Variants in ANO6 observed in about 807,000 individuals in gnomAD.
ANO6 encodes anoctamin-6.
In ANO6, 106 loss-of-function variants were observed where a neutral mutation model predicts 117.5. The observed-to-expected ratio is 0.90, with a 90% confidence interval of 0.77 to 1.06. ANO6 has a LOEUF of 1.06. Among genes scored for constraint, ANO6 ranks in the 50% least tolerant of loss-of-function variants. The pLI, the probability that ANO6 is intolerant of heterozygous loss-of-function variation, is 0.00. For missense variants in ANO6, 955 were observed against 1,121.1 expected (o/e 0.85, Z 2.12); for synonymous variants, 367 against 385.1 (o/e 0.95, Z 0.55).
Position 45,429,619 on chromosome 12 carries a change from T to A in ANO6, c.*308T>A. On this transcript the variant is annotated 3_prime_UTR_variant, in exon 20 of 20. Coordinates refer to ENST00000320560, the MANE Select transcript of ANO6 (RefSeq NM_001025356.3). ...ACCACCCCTTCTAAAGTAGAATGGA[T>A]TCTTTTTTTTCTGTTTGATTATTTT... The A allele has an allele frequency of 8.5e-7, 1 of 1,174,324 alleles. No homozygotes were observed. The highest frequency in any genetic ancestry group is 1.1e-6 in the Non-Finnish European group (1 of 943,350). 72.7% of individuals were successfully genotyped at this position (1,174,324 alleles called of 1,614,324 possible). A position where few individuals can be genotyped will look rare whatever the true frequency, so the allele number is the denominator to read the frequency against.
intron 18 of ANO6, among the ~76,000 whole-genome samples, chr12:45,422,255 A>T (rs1371270908): frequency 6.6e-6 from 1 of 152,188 alleles, no homozygotes; most frequent in Non-Finnish European, 1.5e-5. Context: ...AGCAGATAGC[A>T]CTCTGTATGA....
chr12:45,435,713 G>GA (rs10710532), downstream of ANO6, among the ~76,000 whole-genome samples: 15,192 of 150,388 alleles, frequency 0.1, 1,004 homozygotes, highest in East Asian at 0.35. Context: ...CAAACTCACT[G>GA]AAAAAAAAAA....
chr12:45,255,572 A>T (rs1384902025), intron 1 of ANO6, among the ~76,000 whole-genome samples: 1 of 152,234 alleles, frequency 6.6e-6, no homozygotes, highest in African/African-American at 2.4e-5. Context: ...TAAAGGAAGC[A>T]TCGTGGAATC....
intron 1 of ANO6, among the ~76,000 whole-genome samples, chr12:45,218,438 A>G (rs1254833601): frequency 9.2e-6 from 1 of 108,784 alleles, no homozygotes; most frequent in Non-Finnish European, 1.7e-5. Context: ...TCTGTCGTTT[A>G]GGCTAGAGTG....
chr12:45,321,538 TCA>T (rs1940271263), intron 2 of ANO6, among the ~76,000 whole-genome samples: 1 of 152,206 alleles, frequency 6.6e-6, no homozygotes, highest in Non-Finnish European at 1.5e-5. Flanking sequence ...GCTGTCAAAT[TCA>T]CAGTGGTGAA....
chr12:45,319,507 A>T (rs1460456474), intron 2 of ANO6, among the ~76,000 whole-genome samples: 1 of 152,074 alleles, frequency 6.6e-6, no homozygotes, highest in South Asian at 2.1e-4. Flanking sequence ...GTGCTGCTGG[A>T]TTTGGTTTGC....
intron 1 of ANO6, among the ~76,000 whole-genome samples, chr12:45,244,208 A>G (rs1266198000): frequency 6.6e-6 from 1 of 152,218 alleles, no homozygotes; most frequent in Non-Finnish European, 1.5e-5. Context: ...AAGAAGATGA[A>G]TAAGTGAAAG....
intron 18 of ANO6, among the ~76,000 whole-genome samples, chr12:45,421,582 C>T (rs1447126765): frequency 1.3e-5 from 2 of 152,118 alleles, no homozygotes; most frequent in Non-Finnish European, 2.9e-5. Flanking sequence ...TTGAGAGTTT[C>T]AAACGATTAC....
At chr12:45,298,807 C>T (rs1939382355) in intron 1 of ANO6, among the ~76,000 whole-genome samples, 1 of 151,946 alleles carries the variant, frequency 6.6e-6, no homozygotes, top group African/African-American at 2.4e-5. Flanking sequence ...CTTGTTTGTC[C>T]TGTCTTTAGG....
exon 20 of ANO6, chr12:45,439,804 T>G: frequency 3.2e-6 from 5 of 1,550,486 alleles, no homozygotes; most frequent in Non-Finnish European, 4.4e-6. Flanking sequence ...ACAACTAACT[T>G]CTGACTTTAT....
chr12:45,432,026 C>G lies in ANO6; in HGVS notation c.*2715C>G. 6.1e-6 allele frequency: 6 copies of G among 985,360 alleles called. No homozygotes were observed. The highest frequency in any genetic ancestry group is 7.2e-6 in the Non-Finnish European group (6 of 829,880). 61.0% of individuals were successfully genotyped at this position (985,360 alleles called of 1,614,324 possible). Reference sequence around the variant, plus strand: ...CCATCTTATAAACTGTCACCAAAGTCTTCCCTTTTTTATTGCATGTGTGCC... The same window carrying G: ...CCATCTTATAAACTGTCACCAAAGTGTTCCCTTTTTTATTGCATGTGTGCC... On this transcript the variant is annotated 3_prime_UTR_variant, in exon 20 of 20. Transcript: ENST00000320560.
Position 45,429,145 on chromosome 12 carries a change from T to C in ANO6, c.2567T>C (p.Ile856Thr). 6 of 1,613,828 alleles carry C rather than the reference T, an allele frequency of 3.7e-6. No homozygotes were observed. Among genetic ancestry groups the C allele is most frequent in the Non-Finnish European group, 5.1e-6 (6 of 1,179,900 alleles). The change falls in exon 20 of 20, where the codon ATT (isoleucine) becomes ACT (threonine). Residue 856 changes from isoleucine (I) to threonine (T), a missense_variant. Coordinates refer to ENST00000320560, the MANE Select transcript of ANO6 (RefSeq NM_001025356.3). The stretch of plus-strand genomic sequence containing the variant: ...GTGAAATTTTTCATTTCATATGCAA[T>C]TCCCGATGTATCAAAACGCACAAAG... ...YSVKFFISYA[I>T]PDVSKRTKSK...
At position 45,402,026 on chromosome 12, in the gene ANO6, G is replaced by T. The variant is rs569920324; in HGVS notation, c.1612+6G>T. On this transcript the variant is annotated splice_donor_region_variant and intron_variant, in intron 13 of 19. Coordinates refer to ENST00000320560, the MANE Select transcript of ANO6 (RefSeq NM_001025356.3). Reference sequence around the variant, plus strand: ...AATTATGATTACTAACTTCGGTAAGGTCCTACTATAGCTTAGGTAACTTCT... The same window carrying T: ...AATTATGATTACTAACTTCGGTAAGTTCCTACTATAGCTTAGGTAACTTCT... 1 of 1,608,920 alleles carries T rather than the reference G, an allele frequency of 6.2e-7. No individual in the cohort carries two copies. Among genetic ancestry groups the T allele is most frequent in the Non-Finnish European group, 8.5e-7 (1 of 1,176,064 alleles).
rs970816433 is a variant in ANO6, at chr12:45,430,993, A to G, written c.*1682A>G. 1.3e-5 allele frequency: 13 copies of G among 985,326 alleles called. No homozygotes were observed. In the Admixed American group the frequency reaches 2.5e-4, roughly 19 times the overall value. 61.0% of individuals were successfully genotyped at this position (985,326 alleles called of 1,614,324 possible). A position where few individuals can be genotyped will look rare whatever the true frequency, so the allele number is the denominator to read the frequency against. ...ACTCAGATTTTAGAGGCTTTTTACA[A>G]TAAAGTAGCGTAACTCTAGGTCATG... On this transcript the variant is annotated 3_prime_UTR_variant, in exon 20 of 20. Transcript: ENST00000320560.
At chr12:45,353,070 C>G (rs574867672) in intron 7 of ANO6, among the ~76,000 whole-genome samples, 1 of 143,260 alleles carries the variant, frequency 7.0e-6, no homozygotes, top group East Asian at 1.9e-4. Flanking sequence ...GAAGCTTAAT[C>G]TGATTGAGGT....
At chr12:45,409,248 A>G in intron 15 of ANO6, 109 bp from the exon 16 acceptor site, 1 of 1,418,480 alleles carries the variant, frequency 7.0e-7, no homozygotes, top group East Asian at 2.3e-5. Flanking sequence ...AAACAAAAAA[A>G]TAGTTTATTG....
chr12:45,342,491 TC>T (rs1941006548), intron 3 of ANO6, among the ~76,000 whole-genome samples: 1 of 152,140 alleles, frequency 6.6e-6, no homozygotes. Context: ...ATGCTCTCTA[TC>T]TGGTGTTGGT....
intron 1 of ANO6, among the ~76,000 whole-genome samples, chr12:45,224,281 G>A (rs1044276364): frequency 2.6e-5 from 4 of 152,148 alleles, no homozygotes; most frequent in East Asian, 3.9e-4. Flanking sequence ...ACAGCAGAGC[G>A]TCCTGAGTGT....
At chr12:45,322,245 C>T (rs1940302717) in intron 2 of ANO6, among the ~76,000 whole-genome samples, 1 of 152,000 alleles carries the variant, frequency 6.6e-6, no homozygotes, top group Admixed American at 6.6e-5. Context: ...CTTGGAAGTT[C>T]TTCCAAGGAA....
Sources: allele counts gnomAD v4.1 joint callset (sites outside exome capture counted in the v4.1 genomes callset), GRCh38; gene constraint gnomAD v4.1.1; transcripts MANE v1.5; gene names NCBI Gene and HGNC (gene_info 2026-07-23, HGNC 2026-07-21).